Variants in IFNG-AS1 observed in about 807,000 individuals in gnomAD.
IFNG-AS1 encodes IFNG regulatory antisense RNA 1.
chr12:67,989,735 A>G (rs531918628), intron 1 of IFNG-AS1, among the ~76,000 whole-genome samples: 2 of 151,496 alleles, frequency 1.3e-5, no homozygotes, highest in African/African-American at 4.8e-5. Flanking sequence ...GAGGAAGAAG[A>G]AGGAGGAAGG....
At chr12:67,997,381 A>T (rs964405487) in intron 2 of IFNG-AS1, among the ~76,000 whole-genome samples, 1 of 152,126 alleles carries the variant, frequency 6.6e-6, no homozygotes, top group African/African-American at 2.4e-5. Flanking sequence ...AAGTGACATC[A>T]CAAAATTGCT....
intron 3 of IFNG-AS1, among the ~76,000 whole-genome samples, chr12:68,010,828 G>A (rs777488262): frequency 4.6e-5 from 7 of 152,088 alleles, no homozygotes; most frequent in Non-Finnish European, 8.8e-5. Context: ...TTTTACCCTC[G>A]TGCCCTTGGG....
rs919034217 is a variant in IFNG-AS1, at chr12:68,019,022, C to A, written n.242-840C>A. Among the ~76,000 whole-genome samples, 6 of 152,162 alleles carry A rather than the reference C, an allele frequency of 3.9e-5. No individual in the cohort carries two copies. In the South Asian group the frequency reaches 1.2e-3, roughly 32 times the overall value. ...ACCTCCATAAAGTGTGCAGGAGGTACTCATCATACATTTTAAACTAAAATA... is the reference window on the plus strand; with the variant it reads ...ACCTCCATAAAGTGTGCAGGAGGTAATCATCATACATTTTAAACTAAAATA... On this transcript the variant is annotated intron_variant and non_coding_transcript_variant, in intron 3 of 5. Coordinates refer to ENST00000536914, the Ensembl canonical transcript of IFNG-AS1.
chr12:68,021,064 C>T (rs945890837), intron 4 of IFNG-AS1: 9 of 152,128 alleles, frequency 5.9e-5, no homozygotes, highest in Non-Finnish European at 1.2e-4. Flanking sequence ...TGGCACATCC[C>T]TTTATTGATC....
At chr12:68,015,490 C>G (rs2120476013) in intron 3 of IFNG-AS1, among the ~76,000 whole-genome samples, 1 of 152,238 alleles carries the variant, frequency 6.6e-6, no homozygotes, top group East Asian at 1.9e-4. Context: ...CTCATCTCCT[C>G]ATATGTGCTA....
chr12:68,011,689 G>A (rs907173302), intron 3 of IFNG-AS1, among the ~76,000 whole-genome samples: 3 of 152,104 alleles, frequency 2.0e-5, no homozygotes, highest in African/African-American at 4.8e-5. Context: ...CCATCAGACC[G>A]CAGCATGCTG....
chr12:67,993,804 T>G (rs999592792), intron 1 of IFNG-AS1, among the ~76,000 whole-genome samples: 10 of 152,192 alleles, frequency 6.6e-5, no homozygotes, highest in African/African-American at 2.4e-4. Flanking sequence ...TCTTTTGACT[T>G]TCCTTTTATT....
intron 3 of IFNG-AS1, among the ~76,000 whole-genome samples, chr12:68,016,081 T>A (rs1880149812): frequency 6.6e-6 from 1 of 152,190 alleles, no homozygotes; most frequent in African/African-American, 2.4e-5. Context: ...ATTATGTACC[T>A]ACTGTAGATT....
chr12:68,008,407 C>A (rs1388105546), intron 3 of IFNG-AS1, among the ~76,000 whole-genome samples: 2 of 60,888 alleles, frequency 3.3e-5, no homozygotes, highest in Non-Finnish European at 6.2e-5. Context: ...CAGCACGAGA[C>A]ACCATCTCAA....
intron 3 of IFNG-AS1, among the ~76,000 whole-genome samples, chr12:68,006,892 C>G (rs546055798): frequency 3.3e-5 from 5 of 152,150 alleles, no homozygotes; most frequent in Non-Finnish European, 7.4e-5. Context: ...GACCTGAGGA[C>G]CCAGTTAGGC....
chr12:67,993,055 T>G (rs914543281), intron 1 of IFNG-AS1, among the ~76,000 whole-genome samples: 1 of 152,228 alleles, frequency 6.6e-6, no homozygotes, highest in African/African-American at 2.4e-5. Flanking sequence ...CCTGTCCTTG[T>G]GCAGTGCTGA....
chr12:68,006,503 T>C (rs904348418), intron 3 of IFNG-AS1, among the ~76,000 whole-genome samples: 1 of 149,516 alleles, frequency 6.7e-6, no homozygotes, highest in Non-Finnish European at 1.5e-5. Context: ...CATTGCGCTA[T>C]TGTCTGGGAA....
intron 2 of IFNG-AS1, among the ~76,000 whole-genome samples, chr12:67,996,951 T>C (rs1020877556): frequency 6.6e-6 from 1 of 152,116 alleles, no homozygotes; most frequent in Admixed American, 6.5e-5. Flanking sequence ...GAAAAGGCAT[T>C]AACTAAAACA....
intron 2 of IFNG-AS1, among the ~76,000 whole-genome samples, chr12:68,003,867 A>T (rs1879842705): frequency 6.7e-6 from 1 of 149,988 alleles, no homozygotes; most frequent in Non-Finnish European, 1.5e-5. Context: ...AGATCGCCCC[A>T]CTGCACTCCA....
At chr12:68,016,207 A>T (rs1260483801) in intron 3 of IFNG-AS1, among the ~76,000 whole-genome samples, 1 of 152,098 alleles carries the variant, frequency 6.6e-6, no homozygotes, top group Non-Finnish European at 1.5e-5. Flanking sequence ...GTTACAGGTG[A>T]CCTCAGATCT....
At chr12:67,995,955 A>T (rs950801836) in exon 2 of IFNG-AS1, 1 of 152,230 alleles carries the variant, frequency 6.6e-6, no homozygotes, top group Admixed American at 6.5e-5. Context: ...TGAAAAGTTC[A>T]TGACAGCTCA....
chr12:68,013,815 T>C (rs1278279023), intron 3 of IFNG-AS1, among the ~76,000 whole-genome samples: 1 of 152,168 alleles, frequency 6.6e-6, no homozygotes, highest in African/African-American at 2.4e-5. Flanking sequence ...CCATAGGATA[T>C]TGGGGTACAG....
intron 3 of IFNG-AS1, among the ~76,000 whole-genome samples, chr12:68,009,076 C>T (rs995835934): frequency 6.6e-6 from 1 of 152,236 alleles, no homozygotes; most frequent in African/African-American, 2.4e-5. Flanking sequence ...ATCTCCCCTC[C>T]TTGTGCCTTG....
At chr12:68,007,361 C>G (rs1879929335) in intron 3 of IFNG-AS1, among the ~76,000 whole-genome samples, 1 of 152,180 alleles carries the variant, frequency 6.6e-6, no homozygotes, top group African/African-American at 2.4e-5. Flanking sequence ...CTAGATATAT[C>G]AAAGACTTTC....
Sources: allele counts gnomAD v4.1 joint callset (sites outside exome capture counted in the v4.1 genomes callset), GRCh38; gene constraint gnomAD v4.1.1; transcripts MANE v1.5; gene names NCBI Gene and HGNC (gene_info 2026-07-23, HGNC 2026-07-21).